SUFU: variants seen among roughly 807,000 people sequenced by gnomAD.
SUFU encodes SUFU negative regulator of hedgehog signaling, also known as suppressor of fused homolog.
SUFU carries 7 observed loss-of-function variants against 58.9 expected under a neutral mutation model. That is an observed-to-expected ratio of 0.12 (90% CI 0.07 to 0.22). The LOEUF (loss-of-function observed/expected upper bound fraction) is 0.22, where lower values mean the gene tolerates loss of function less well. Ranked by LOEUF, SUFU falls within the 10% of genes least tolerant of loss-of-function variation. The probability of loss-of-function intolerance (pLI) is 1.00; values close to 1 mark genes in which losing one functional copy is unlikely to be tolerated. For missense variants in SUFU, 451 were observed against 641.3 expected, an observed-to-expected ratio of 0.70 and a Z score of 3.20; for synonymous variants, 232 against 254.8, an observed-to-expected ratio of 0.91 and a Z score of 0.85.
intron 2 of SUFU, among the ~76,000 whole-genome samples, chr10:102,538,871 A>C (rs1039296725): frequency 1.3e-5 from 2 of 152,242 alleles, no homozygotes; most frequent in African/African-American, 4.8e-5. Context: ...GCCAAGGGTC[A>C]CACAGCCAGG....
At chr10:102,579,513 C>T (rs1401249413) in intron 3 of SUFU, among the ~76,000 whole-genome samples, 1 of 152,126 alleles carries the variant, frequency 6.6e-6, no homozygotes, top group African/African-American at 2.4e-5. Context: ...TTTATGATTG[C>T]GGCTTTGAGG....
intron 2 of SUFU, among the ~76,000 whole-genome samples, chr10:102,537,349 G>A (rs193033223): frequency 2.5e-4 from 38 of 150,788 alleles, no homozygotes; most frequent in Admixed American, 2.0e-3. Flanking sequence ...CAGGTTGGTC[G>A]CAGACTCCTG....
At chr10:102,577,682 GT>G (rs113583636) in intron 3 of SUFU, among the ~76,000 whole-genome samples, 56,595 of 131,856 alleles carry the variant, frequency 0.43, 11,641 homozygotes, top group East Asian at 0.64. Flanking sequence ...ACTACGAGTT[GT>G]TTTTTTTTTT....
At chr10:102,568,874 C>CAAAAAAAAAA (rs59877393) in intron 3 of SUFU, among the ~76,000 whole-genome samples, 1 of 14,542 alleles carries the variant, frequency 6.9e-5, no homozygotes. Context: ...AACTCTGTCT[C>CAAAAAAAAAA]AAAAAAAAAA....
chr10:102,632,928 G>A lies in SUFU; in HGVS notation c.*2773G>A, dbSNP rs1321631693. ...TTGTGCGAGGTCTCAGGCCTGTGTG[G>A]GGAGCTGGTGCCTCTTCCTGCCCGT... is the stretch of plus-strand genomic sequence containing the variant. On this transcript the variant is annotated 3_prime_UTR_variant, in exon 12 of 12. Transcript: ENST00000369902. 4 of 233,648 alleles carry A rather than the reference G, an allele frequency of 1.7e-5. No individual in the cohort carries two copies. The East Asian group carries it at 2.4e-4, about 14-fold the overall frequency. The allele number at this position is 233,648 out of a possible 1,614,324, so 14.5% of individuals were successfully genotyped here.
intron 3 of SUFU, among the ~76,000 whole-genome samples, chr10:102,576,624 G>A (rs1467485279): frequency 6.6e-6 from 1 of 152,126 alleles, no homozygotes; most frequent in East Asian, 1.9e-4. Flanking sequence ...TGGGTCAAAG[G>A]GAAGTTACCT....
Position 102,504,100 on chromosome 10 carries a change from C to G in SUFU, c.-53C>G. ...GTCCGCCCGCTGGCCCGTCAGTGCT[C>G]TCCCCGTCGTTTGCCCTCTCCAGTT... is the stretch of plus-strand genomic sequence containing the variant. On this transcript the variant is annotated 5_prime_UTR_variant, in exon 1 of 12. Transcript: ENST00000369902. 4.6e-6 allele frequency: 7 copies of G among 1,512,962 alleles called. No homozygotes were observed. The highest frequency in any genetic ancestry group is 1.2e-5 in the South Asian group (1 of 80,526). The allele number at this position is 1,512,962 out of a possible 1,614,324, so 93.7% of individuals were successfully genotyped here.
intron 2 of SUFU, among the ~76,000 whole-genome samples, chr10:102,519,375 A>G (rs2062518812): frequency 6.6e-6 from 1 of 151,510 alleles, no homozygotes. Context: ...AAAACCACGA[A>G]AATTAGCCGG....
At chr10:102,542,096 C>T in intron 2 of SUFU, among the ~76,000 whole-genome samples, 1 of 150,020 alleles carries the variant, frequency 6.7e-6, no homozygotes, top group East Asian at 2.0e-4. Context: ...GTTGGTCAGG[C>T]TGGACTTGAA....
At chr10:102,579,147 G>C (rs553409563) in intron 3 of SUFU, among the ~76,000 whole-genome samples, 1 of 152,202 alleles carries the variant, frequency 6.6e-6, no homozygotes, top group Non-Finnish European at 1.5e-5. Flanking sequence ...AGCATATATG[G>C]GTGAGTAAAT....
chr10:102,585,683 T>G (rs1217059683), intron 3 of SUFU, among the ~76,000 whole-genome samples: 1 of 151,860 alleles, frequency 6.6e-6, no homozygotes, highest in African/African-American at 2.4e-5. Flanking sequence ...ATTTTTTGTT[T>G]GTTTGTTTGT....
At position 102,509,257 on chromosome 10, in the gene SUFU, A is replaced by C; in HGVS notation, c.271A>C (p.Ile91Leu). The change falls in exon 2 of 12, where the codon ATC becomes CTC. Residue 91 changes from isoleucine (I) to leucine (L), a missense_variant. Ile to Leu is a conservative substitution (Grantham distance 5, BLOSUM62 2). Transcript: ENST00000369902. The part of the protein sequence containing the change: ...SANIPEHWHY[I>L]SFGLSDLYGD... The stretch of plus-strand genomic sequence containing the variant: ...TAACATCCCCGAGCACTGGCACTAC[A>C]TCAGCTTCGGCCTGAGTGATCTCTA... The C allele has an allele frequency of 6.2e-7, 1 of 1,614,152 alleles. No homozygotes were observed. Among genetic ancestry groups the C allele is most frequent in the Non-Finnish European group, 8.5e-7 (1 of 1,180,038 alleles).
intron 3 of SUFU, among the ~76,000 whole-genome samples, chr10:102,574,305 T>C (rs2063191719): frequency 1.3e-5 from 2 of 152,206 alleles, no homozygotes; most frequent in South Asian, 2.1e-4. Flanking sequence ...ATCCCTAATA[T>C]ATACACAAAG....
intron 2 of SUFU, among the ~76,000 whole-genome samples, chr10:102,542,112 G>A (rs1206854051): frequency 1.3e-5 from 2 of 148,524 alleles, no homozygotes; most frequent in African/African-American, 2.5e-5. Context: ...TTGAACTCCC[G>A]ACCTCAAGTG....
intron 8 of SUFU, among the ~76,000 whole-genome samples, chr10:102,613,391 G>A (rs1382013725): frequency 6.6e-6 from 1 of 152,274 alleles, no homozygotes; most frequent in Non-Finnish European, 1.5e-5. Flanking sequence ...CCAGCAGGCA[G>A]GCACGGCCCA....
At chr10:102,545,293 A>ATTTTTT (rs1162195255) in intron 2 of SUFU, among the ~76,000 whole-genome samples, 2 of 106,266 alleles carry the variant, frequency 1.9e-5, no homozygotes, top group Non-Finnish European at 1.9e-5. Flanking sequence ...TAATTTTTGT[A>ATTTTTT]TTTTTTTTTT....
chr10:102,611,743 G>A (rs1298880897), intron 8 of SUFU, among the ~76,000 whole-genome samples: 1 of 152,210 alleles, frequency 6.6e-6, no homozygotes, highest in Non-Finnish European at 1.5e-5. Flanking sequence ...ATGACCTATT[G>A]TTATTTATTC....
chr10:102,577,355 T>C (rs554766264), intron 3 of SUFU, among the ~76,000 whole-genome samples: 2 of 152,260 alleles, frequency 1.3e-5, no homozygotes, highest in East Asian at 3.9e-4. Flanking sequence ...TTGTTTCTTT[T>C]TTTTTGGAAA....
At chr10:102,616,094 T>C (rs1006507553) in intron 9 of SUFU, among the ~76,000 whole-genome samples, 6 of 152,162 alleles carry the variant, frequency 3.9e-5, no homozygotes, top group African/African-American at 1.2e-4. Context: ...GCTTTTCCCA[T>C]GCAAAACACT....
Sources: gnomAD v4.1 joint callset for allele counts (sites outside exome capture counted in the v4.1 genomes callset) on GRCh38, gnomAD v4.1.1 for gene constraint, MANE v1.5 for transcripts, NCBI Gene and HGNC (gene_info 2026-07-23, HGNC 2026-07-21) for gene names.